The following ETNPPL variants were observed in gnomAD, a reference collection of about 807,000 sequenced individuals.
ETNPPL encodes ethanolamine-phosphate phospho-lyase.
A neutral mutation model predicts 55.5 loss-of-function variants in ETNPPL; 30 were observed. That is an observed-to-expected ratio of 0.54 (90% CI 0.40 to 0.73). The LOEUF is 0.73. ETNPPL is among the 30% of genes least tolerant of loss of function. The probability of loss-of-function intolerance (pLI) is 0.00; values close to 1 mark genes in which losing one functional copy is unlikely to be tolerated. For synonymous variants in ETNPPL, 202 were observed against 207.2 expected (o/e 0.98, Z 0.21); for missense variants, 528 against 607.9 (o/e 0.87, Z 1.38).
At position 108,743,802 on chromosome 4, in the gene ETNPPL, GGAGTATTCTCA is replaced by G; in HGVS notation, c.1347_1357del (p.Glu450MetfsTer15). ...GCCAACCCTTACCTTTGTTTTGCAT[GGAGTATTCTCA>G]GAGGTCACACTTTCGGTTTTGGTTC... is the stretch of plus-strand genomic sequence containing the variant. On this transcript the variant is annotated frameshift_variant, in exon 12 of 13. Coordinates refer to ENST00000296486, the MANE Select transcript of ETNPPL (RefSeq NM_031279.4). LOFTEE classifies it low-confidence loss of function (END_TRUNC). 1 of 1,608,806 alleles carries G rather than the reference GGAGTATTCTCA, an allele frequency of 6.2e-7. No individual in the cohort carries two copies. Among genetic ancestry groups the G allele is most frequent in the South Asian group, 1.1e-5 (1 of 90,880 alleles).
intron 11 of ETNPPL, among the ~76,000 whole-genome samples, chr4:108,744,715 ATTTTTTTT>A (rs530380404): frequency 2.5e-5 from 3 of 121,184 alleles, no homozygotes; most frequent in Admixed American, 8.3e-5. Flanking sequence ...AGAAGTTGAA[ATTTTTTTT>A]TTTTTTTTTT....
At chr4:108,746,190 C>T (rs1338423576) in intron 11 of ETNPPL, among the ~76,000 whole-genome samples, 1 of 152,130 alleles carries the variant, frequency 6.6e-6, no homozygotes, top group African/African-American at 2.4e-5. Context: ...TATATGAATA[C>T]AAACTGAAAA....
At chr4:108,742,758 A>G (rs1020172243) in intron 12 of ETNPPL, 146 bp from the exon 13 acceptor site, 19 of 799,358 alleles carry the variant, frequency 2.4e-5, no homozygotes, top group Non-Finnish European at 3.0e-5. Flanking sequence ...CCCTCTCCTC[A>G]GTATCTTCAA....
At chr4:108,754,443 T>C (rs540034136) in intron 5 of ETNPPL, among the ~76,000 whole-genome samples, 177 bp downstream of exon 5, 1 of 152,222 alleles carries the variant, frequency 6.6e-6, no homozygotes, top group Non-Finnish European at 1.5e-5. Context: ...TTTAAATAGA[T>C]AAATAAATTT....
intron 1 of ETNPPL, chr4:108,762,615 C>A: frequency 1.5e-6 from 1 of 645,814 alleles, no homozygotes; most frequent in South Asian, 1.8e-5. Context: ...CAGAGCGAGC[C>A]GGGGACTTTC....
chr4:108,743,523 T>G (rs1728318149), intron 12 of ETNPPL, among the ~76,000 whole-genome samples: 2 of 152,328 alleles, frequency 1.3e-5, no homozygotes, highest in Admixed American at 1.3e-4. Flanking sequence ...ATATATTTTA[T>G]AGGCCCTCTT....
Position 108,748,132 on chromosome 4 carries a change from C to T in ETNPPL, c.955G>A (p.Val319Ile). ...TYGGNPVSCAVGLAVLDIIEN... is the reference protein window; with the variant it reads ...TYGGNPVSCAIGLAVLDIIEN... ...ATTATATCCAGGACAGCCAAACCAA[C>T]AGCACAAGATACTGGATTTCCTCCA... The change falls in exon 9 of 13, where the codon GTT becomes ATT. Residue 319 changes from valine to isoleucine, a missense_variant. Transcript: ENST00000296486. 6.2e-7 allele frequency: 1 copy of T among 1,603,074 alleles called. No homozygotes were observed.
At chr4:108,760,572 T>C (rs1402529793) in intron 1 of ETNPPL, among the ~76,000 whole-genome samples, 2 of 152,200 alleles carry the variant, frequency 1.3e-5, no homozygotes, top group Non-Finnish European at 2.9e-5. Context: ...AGGAATCCAC[T>C]CTCTGATGGT....
chr4:108,756,726 C>A (rs566098955), intron 3 of ETNPPL, among the ~76,000 whole-genome samples: 1 of 151,884 alleles, frequency 6.6e-6, no homozygotes, highest in African/African-American at 2.4e-5. Flanking sequence ...CTTGGGAGGC[C>A]GAGGCAAGAG....
At chr4:108,756,642 G>A in intron 3 of ETNPPL, 150 bp from the exon 4 acceptor site, 1 of 622,574 alleles carries the variant, frequency 1.6e-6, no homozygotes. Context: ...TTAGAGACCA[G>A]ATTAGGCAAC....
At chr4:108,756,698 C>A (rs186957208) in intron 3 of ETNPPL, among the ~76,000 whole-genome samples, 1 of 148,954 alleles carries the variant, frequency 6.7e-6, no homozygotes, top group African/African-American at 2.6e-5. Context: ...CAGCAGCGTG[C>A]GCCTATAGTC....
In ETNPPL at chr4:108,749,416, A is replaced by T; in HGVS notation, c.749T>A (p.Val250Glu). The change falls in exon 8 of 13, where the codon GTG (valine) becomes GAG (glutamate). Residue 250 changes from valine to glutamate, a missense_variant. By Grantham distance (121) the Val-to-Glu change is moderately radical (BLOSUM62 -2). Transcript: ENST00000296486. The stretch of plus-strand genomic sequence containing the variant: ...ATGTTTCCCAACTCTGCCAAAGCCC[A>T]CTTGAACTTCATCAGCTATAAACAC... ...GGVFIADEVQ[V>E]GFGRVGKHFW... 6.2e-7 allele frequency: 1 copy of T among 1,614,058 alleles called. No individual in the cohort carries two copies. Among genetic ancestry groups the T allele is most frequent in the Non-Finnish European group, 8.5e-7 (1 of 1,180,000 alleles).
At chr4:108,742,759 G>T in intron 12 of ETNPPL, 147 bp from the exon 13 acceptor site, 1 of 796,922 alleles carries the variant, frequency 1.3e-6, no homozygotes, top group Non-Finnish European at 2.0e-6. Flanking sequence ...CCTCTCCTCA[G>T]TATCTTCAAT....
rs767853085 is a variant in ETNPPL at position 108,748,157 on chromosome 4, A to G, written c.930T>C (p.Tyr310=). The stretch of plus-strand genomic sequence containing the variant: ...CAGCACAAGATACTGGATTTCCTCC[A>G]TACTGTAAAAAAAAAAAAGACAAAT... The part of the protein sequence containing the change: ...SSSGMEYFNT[Y]GGNPVSCAVG... The change falls in exon 9 of 13, where the codon TAT becomes TAC. Residue 310 remains tyrosine (Y), a splice_region_variant and synonymous_variant. Transcript: ENST00000296486. 47 of 1,551,956 alleles carry G rather than the reference A, an allele frequency of 3.0e-5. No homozygotes were observed. The highest frequency in any genetic ancestry group is 6.9e-6 in the Non-Finnish European group (8 of 1,162,240).
intron 7 of ETNPPL, among the ~76,000 whole-genome samples, chr4:108,750,729 C>T (rs1422765500): frequency 6.6e-6 from 1 of 150,848 alleles, no homozygotes; most frequent in Non-Finnish European, 1.5e-5. Context: ...TCTGAACCCC[C>T]GCTGTTGGAC....
intron 11 of ETNPPL, among the ~76,000 whole-genome samples, chr4:108,744,123 T>C (rs1309496533): frequency 2.0e-5 from 3 of 152,108 alleles, no homozygotes; most frequent in Non-Finnish European, 2.9e-5. Context: ...TAGCCGGATG[T>C]GGTGGCACAT....
chr4:108,746,814 C>T lies in ETNPPL; in HGVS notation c.1120G>A (p.Asp374Asn). The change falls in exon 10 of 13, where the codon GAC (aspartate) becomes AAC (asparagine). Residue 374 changes from aspartate to asparagine, a missense_variant. Coordinates refer to ENST00000296486, the MANE Select transcript of ETNPPL (RefSeq NM_031279.4). ...GTGGCAGGGGTCCTTTTCAGATGGT[C>T]CTTCACTAAATCAATTCCAATAAAA... ...GLFIGIDLVK[D>N]HLKRTPATAE... 4.3e-6 allele frequency: 7 copies of T among 1,613,734 alleles called. No individual in the cohort carries two copies. Among genetic ancestry groups the T allele is most frequent in the Non-Finnish European group, 5.9e-6 (7 of 1,179,918 alleles).
At chr4:108,762,168 G>A (rs1729536773) in intron 1 of ETNPPL, 1 of 290,722 alleles carries the variant, frequency 3.4e-6, no homozygotes, top group Non-Finnish European at 7.0e-6. Flanking sequence ...GAGAGCTAGA[G>A]CCCCTGTCGG....
chr4:108,758,918 G>A (rs866396362), intron 3 of ETNPPL, among the ~76,000 whole-genome samples: 6 of 152,126 alleles, frequency 3.9e-5, no homozygotes, highest in African/African-American at 7.2e-5. Context: ...GTGTGGTGGC[G>A]CATGCTTGTA....
Sources: gnomAD v4.1 joint callset for allele counts (sites outside exome capture counted in the v4.1 genomes callset) on GRCh38, gnomAD v4.1.1 for gene constraint, MANE v1.5 for transcripts, NCBI Gene and HGNC (gene_info 2026-07-23, HGNC 2026-07-21) for gene names.